C22orf42: variants seen among roughly 807,000 people sequenced by gnomAD.
The protein encoded by C22orf42 is uncharacterized protein C22orf42.
Under a neutral mutation model 31.4 loss-of-function variants are expected in C22orf42, and 24 were observed. The observed-to-expected ratio is 0.77, with a 90% CI of 0.55 to 1.08. The LOEUF (loss-of-function observed/expected upper bound fraction) is 1.08, where lower values mean the gene tolerates loss of function less well. C22orf42 is among the 50% of genes least tolerant of loss of function. The pLI, the probability that C22orf42 is intolerant of heterozygous loss-of-function variation, is 0.00. For synonymous variants in C22orf42, 96 were observed against 112.7 expected (o/e 0.85, Z 0.94); for missense variants, 276 against 327.3 (o/e 0.84, Z 1.21).
At chr22:32,150,836 C>A (rs540195165) in intron 6 of C22orf42, 156 bp downstream of exon 6, 1 of 768,764 alleles carries the variant, frequency 1.3e-6, no homozygotes, top group African/African-American at 1.8e-5. Flanking sequence ...AGTGGGGTTT[C>A]TTTGAGGGGG....
chr22:32,150,035 A>C, intron 7 of C22orf42: 1 of 497,308 alleles, frequency 2.0e-6, no homozygotes, highest in Non-Finnish European at 3.6e-6. Flanking sequence ...AAATATGCTC[A>C]CTACCAGATA....
At chr22:32,158,315 T>A (rs1229911058) in intron 1 of C22orf42, among the ~76,000 whole-genome samples, 1 of 152,196 alleles carries the variant, frequency 6.6e-6, no homozygotes, top group Non-Finnish European at 1.5e-5. Context: ...GAGACACTCA[T>A]GTCAAATTGG....
chr22:32,157,338 C>T (rs1921319034), intron 1 of C22orf42, among the ~76,000 whole-genome samples: 1 of 152,036 alleles, frequency 6.6e-6, no homozygotes, highest in African/African-American at 2.4e-5. Context: ...ACAGTAATCC[C>T]CAGGCTGTAA....
At chr22:32,158,351 T>G (rs1013647974) in intron 1 of C22orf42, among the ~76,000 whole-genome samples, 6 of 152,222 alleles carry the variant, frequency 3.9e-5, no homozygotes, top group Non-Finnish European at 7.3e-5. Flanking sequence ...CAGAGCTCCA[T>G]GACTAAACTC....
chr22:32,150,345 G>C lies in C22orf42; in HGVS notation c.628C>G (p.Leu210Val). ...ATCTCCGGTGTCATGAGGTCTTCAA[G>C]AGAGACAGATAGGCTTTCACTGAGA... ...SGLSESLSVS[L>V]EDLMTPEMAK... Residue 210 changes from leucine (L) to valine (V), a missense_variant, in exon 7 of 9, where the codon CTT becomes GTT. Leu to Val is a conservative substitution (Grantham distance 32). Coordinates refer to ENST00000382097, the MANE Select transcript of C22orf42 (RefSeq NM_001010859.3). 6.2e-7 allele frequency: 1 copy of C among 1,614,154 alleles called. No individual in the cohort carries two copies. Among genetic ancestry groups the C allele is most frequent in the South Asian group, 1.1e-5 (1 of 91,090 alleles).
At position 32,149,571 on chromosome 22, in the gene C22orf42, C is replaced by T. The variant is rs2094108354; in HGVS notation, c.725G>A (p.Ser242Asn). 6.5e-7 allele frequency: 1 copy of T among 1,533,758 alleles called. No individual in the cohort carries two copies. Among genetic ancestry groups the T allele is most frequent in the Non-Finnish European group, 8.8e-7 (1 of 1,135,546 alleles). ...CCGGAGAAGTCCTAGAACCTGGCTG[C>T]TGATGGGTTCATTGAGCCGAGACCG... ...MARSRLNEPI[S>N]SQVLGLLRL Residue 242 changes from serine to asparagine, a missense_variant, in exon 9 of 9, where the codon AGC becomes AAC. By Grantham distance (46) the Ser-to-Asn change is conservative (BLOSUM62 1). Coordinates refer to ENST00000382097, the MANE Select transcript of C22orf42 (RefSeq NM_001010859.3).
chr22:32,152,161 G>A (rs1921001020), intron 3 of C22orf42, 67 bp from the exon 4 acceptor site: 2 of 1,560,062 alleles, frequency 1.3e-6, no homozygotes, highest in South Asian at 1.2e-5. Flanking sequence ...GTTGGCAAAG[G>A]CCTTTTATTC....
intron 4 of C22orf42, 58 bp downstream of exon 4, chr22:32,152,009 G>A: frequency 6.7e-7 from 1 of 1,503,218 alleles, no homozygotes; most frequent in African/African-American, 1.4e-5. Context: ...TTAAATGAGT[G>A]AATTGTTTTG....
intron 1 of C22orf42, among the ~76,000 whole-genome samples, chr22:32,156,899 A>G (rs978879273): frequency 7.5e-4 from 115 of 152,350 alleles, no homozygotes; most frequent in Admixed American, 5.2e-4. Context: ...TGCATTTGCA[A>G]TTGTGACAAA....
chr22:32,151,441 A>G (rs1206323386), intron 5 of C22orf42, 46 bp downstream of exon 5: 5 of 1,585,228 alleles, frequency 3.2e-6, no homozygotes, highest in Non-Finnish European at 4.3e-6. Context: ...GAAGCCTCAG[A>G]AAAAACAAAA....
upstream of C22orf42, chr22:32,160,266 C>T (rs1167823012): frequency 7.9e-5 from 12 of 152,242 alleles, no homozygotes; most frequent in East Asian, 3.9e-4. Flanking sequence ...TAAAGGTAGA[C>T]GTCATGCTTG....
chr22:32,151,524 G>T lies in C22orf42; in HGVS notation c.428C>A (p.Ala143Glu). 2 of 1,613,774 alleles carry T rather than the reference G, an allele frequency of 1.2e-6. No individual in the cohort carries two copies. Among genetic ancestry groups the T allele is most frequent in the South Asian group, 2.2e-5 (2 of 91,070 alleles). Reference protein sequence around the residue: ...HRPTEDVQVSAHGGVEENITS... With the variant: ...HRPTEDVQVSEHGGVEENITS... ...TATATTCTCCTCCACACCGCCGTGT[G>T]CAGACACCTGCACATCTTCAGTGGG... is the stretch of plus-strand genomic sequence containing the variant. The change falls in exon 5 of 9, where the codon GCA becomes GAA. Residue 143 changes from alanine (A) to glutamate (E), a missense_variant. Ala to Glu is a moderately radical substitution (Grantham distance 107). Coordinates refer to ENST00000382097, the MANE Select transcript of C22orf42 (RefSeq NM_001010859.3).
chr22:32,158,018 G>C (rs1334071590), intron 1 of C22orf42, among the ~76,000 whole-genome samples: 1 of 152,244 alleles, frequency 6.6e-6, no homozygotes, highest in African/African-American at 2.4e-5. Context: ...AGAAAACCCT[G>C]GTTACTAAAG....
At chr22:32,153,321 T>G (rs1261882020) in intron 2 of C22orf42, among the ~76,000 whole-genome samples, 1 of 152,158 alleles carries the variant, frequency 6.6e-6, no homozygotes, top group Non-Finnish European at 1.5e-5. Context: ...GTAATGTTGA[T>G]AAACCTCTAC....
In C22orf42 at chr22:32,149,298, A is replaced by AGGATG. The variant is rs1163523883; in HGVS notation, c.*237_*241dup. On this transcript the variant is annotated 3_prime_UTR_variant, in exon 9 of 9. Transcript: ENST00000382097. ...GGATTGACCCACTCTGTAATGACCC[A>AGGATG]GGATGGGGCGGGTGTTCTTCTGCAT... The AGGATG allele has an allele frequency of 1.4e-5, 4 of 289,932 alleles. No homozygotes were observed. The highest frequency in any genetic ancestry group is 6.2e-6 in the Non-Finnish European group (1 of 160,844). 18.0% of individuals were successfully genotyped at this position (289,932 alleles called of 1,614,324 possible).
chr22:32,158,764 CCGGG>C (rs1360358407), intron 1 of C22orf42, among the ~76,000 whole-genome samples: 1 of 152,098 alleles, frequency 6.6e-6, no homozygotes, highest in African/African-American at 2.4e-5. Context: ...GAGAAAAGGG[CCGGG>C]ACTAGACCAA....
chr22:32,158,463 T>A (rs1427108083), intron 1 of C22orf42, among the ~76,000 whole-genome samples: 1 of 152,230 alleles, frequency 6.6e-6, no homozygotes, highest in Admixed American at 6.5e-5. Flanking sequence ...TTTTTTTCCT[T>A]CTTTCTTCAA....
rs2094108040 is a variant in C22orf42, at chr22:32,149,411, T to G, written c.*129A>C. The G allele has an allele frequency of 9.4e-6, 11 of 1,175,044 alleles. No individual in the cohort carries two copies. In the South Asian group the frequency reaches 2.4e-4, roughly 25 times the overall value. The allele number at this position is 1,175,044 out of a possible 1,614,324, so 72.8% of individuals were successfully genotyped here. On this transcript the variant is annotated 3_prime_UTR_variant, in exon 9 of 9. Transcript: ENST00000382097. ...TGCAGCCACAAACTGCAGGTCACTG[T>G]TCACAGGTGCTCAGTAGGAAGAGAG...
Position 32,150,335 on chromosome 22 carries a change from A to C in C22orf42, c.638T>G (p.Leu213Arg). The C allele has an allele frequency of 6.2e-7, 1 of 1,614,122 alleles. No individual in the cohort carries two copies. The highest frequency in any genetic ancestry group is 8.5e-7 in the Non-Finnish European group (1 of 1,179,944). ...SESLSVSLED[L>R]MTPEMAKERY... Reference sequence around the variant, plus strand: ...GCATCTTACCATCTCCGGTGTCATGAGGTCTTCAAGAGAGACAGATAGGCT... The same window carrying C: ...GCATCTTACCATCTCCGGTGTCATGCGGTCTTCAAGAGAGACAGATAGGCT... Residue 213 changes from leucine to arginine, a missense_variant, in exon 7 of 9, where the codon CTC becomes CGC. Transcript: ENST00000382097.
Sources: gnomAD v4.1 joint callset for allele counts (sites outside exome capture counted in the v4.1 genomes callset) on GRCh38, gnomAD v4.1.1 for gene constraint, MANE v1.5 for transcripts, NCBI Gene and HGNC (gene_info 2026-07-23, HGNC 2026-07-21) for gene names.